MYOCD: variants seen among roughly 807,000 people sequenced by gnomAD.
MYOCD encodes myocardin.
MYOCD carries 32 observed loss-of-function variants against 96.1 expected under a neutral mutation model. The observed-to-expected ratio is 0.33, with a 90% confidence interval of 0.25 to 0.45. MYOCD has a LOEUF of 0.45. MYOCD is among the 20% of genes least tolerant of loss of function. The pLI is 1.00. For missense variants in MYOCD, 1,133 were observed against 1,200.6 expected (o/e 0.94, Z 0.83); for synonymous variants, 469 against 469.0 (o/e 1.00, Z 0.00).
chr17:12,715,454 ACT>A, intron 2 of MYOCD, 63 bp from the exon 3 acceptor site: 2 of 1,415,470 alleles, frequency 1.4e-6, no homozygotes, highest in Non-Finnish European at 9.9e-7. Context: ...ACACCAGCAA[ACT>A]CTGCGATACA....
chr17:12,698,773 G>T (rs371292306), intron 1 of MYOCD, among the ~76,000 whole-genome samples: 1 of 113,638 alleles, frequency 8.8e-6, no homozygotes, highest in Non-Finnish European at 1.7e-5. Flanking sequence ...GACAGAGTCT[G>T]GCTCTGTTGC....
rs542202848 is a variant in MYOCD at position 12,669,170 on chromosome 17, T to C, written c.55+2927T>C. Reference sequence around the variant, plus strand: ...TGTTGTTTATTCAATATCTAATCAGTGTCACTATCAACAGTTCTCCTCCAT... The same window carrying C: ...TGTTGTTTATTCAATATCTAATCAGCGTCACTATCAACAGTTCTCCTCCAT... On this transcript the variant is annotated intron_variant, in intron 1 of 13. Coordinates refer to ENST00000425538, the MANE Select transcript of MYOCD (RefSeq NM_001146312.3). Among the ~76,000 whole-genome samples, 33 of 152,302 alleles carry C rather than the reference T, an allele frequency of 2.2e-4. No homozygotes were observed. The South Asian group carries it at 6.6e-3, about 31-fold the overall frequency.
At chr17:12,695,666 G>A (rs1721133160) in intron 1 of MYOCD, among the ~76,000 whole-genome samples, 1 of 152,104 alleles carries the variant, frequency 6.6e-6, no homozygotes, top group South Asian at 2.1e-4. Context: ...GTGTTAATAG[G>A]AAAGATACTA....
At chr17:12,670,437 G>A (rs1909637386) in intron 1 of MYOCD, among the ~76,000 whole-genome samples, 1 of 152,088 alleles carries the variant, frequency 6.6e-6, no homozygotes, top group Admixed American at 6.5e-5. Context: ...CAACATCTCT[G>A]GCACTGAATT....
chr17:12,683,383 C>G (rs962272071), intron 1 of MYOCD, among the ~76,000 whole-genome samples: 1 of 152,168 alleles, frequency 6.6e-6, no homozygotes, highest in African/African-American at 2.4e-5. Context: ...CCCCTCCTTT[C>G]TTTCATTTGT....
At chr17:12,726,234 T>G (rs1043856250) in intron 5 of MYOCD, among the ~76,000 whole-genome samples, 3 of 152,162 alleles carry the variant, frequency 2.0e-5, no homozygotes, top group Admixed American at 2.0e-4. Context: ...CACTTTTTCT[T>G]AAGGGAGCAG....
At chr17:12,724,383 T>C (rs1052494247) in intron 5 of MYOCD, among the ~76,000 whole-genome samples, 1 of 152,210 alleles carries the variant, frequency 6.6e-6, no homozygotes, top group Admixed American at 6.6e-5. Flanking sequence ...CATGACTTTT[T>C]CTCTGAAAAA....
At chr17:12,693,719 T>C (rs1397210908) in intron 1 of MYOCD, among the ~76,000 whole-genome samples, 1 of 150,312 alleles carries the variant, frequency 6.7e-6, no homozygotes. Flanking sequence ...ATATATATCA[T>C]TAGTCTAGAA....
At position 12,763,474 on chromosome 17, in the gene MYOCD, A is replaced by G; in HGVS notation, c.2791A>G (p.Thr931Ala). The G allele has an allele frequency of 1.2e-6, 2 of 1,614,170 alleles. No homozygotes were observed. The highest frequency in any genetic ancestry group is 1.7e-6 in the Non-Finnish European group (2 of 1,180,036). Residue 931 changes from threonine (T) to alanine (A), a missense_variant, in exon 14 of 14, where the codon ACT (threonine) becomes GCT (alanine). Physicochemically the swap from Thr to Ala is moderately conservative, Grantham distance 58. Transcript: ENST00000425538. The stretch of plus-strand genomic sequence containing the variant: ...CAGCAATGGGCTGCAGTTAAGCTTC[A>G]CTGAATCTCCCTGGGAAACCATGGA... ...VDSNGLQLSF[T>A]ESPWETMEWL...
At chr17:12,736,662 C>G (rs1402693950) in intron 6 of MYOCD, among the ~76,000 whole-genome samples, 1 of 152,198 alleles carries the variant, frequency 6.6e-6, no homozygotes, top group Admixed American at 6.5e-5. Context: ...TTGGATGACT[C>G]GCCAACAATC....
chr17:12,710,427 T>A (rs1448808738), intron 2 of MYOCD: 1 of 770,912 alleles, frequency 1.3e-6, no homozygotes, highest in African/African-American at 1.9e-5. Flanking sequence ...CATGATCTGA[T>A]CAATGTAAAT....
intron 1 of MYOCD, among the ~76,000 whole-genome samples, chr17:12,704,551 A>G (rs1249721531): frequency 1.3e-5 from 2 of 152,240 alleles, no homozygotes; most frequent in East Asian, 3.8e-4. Context: ...AGAATTCCAG[A>G]TTCTCATAAT....
At chr17:12,735,693 A>T (rs1031152051) in intron 5 of MYOCD, among the ~76,000 whole-genome samples, 2 of 152,208 alleles carry the variant, frequency 1.3e-5, no homozygotes, top group Non-Finnish European at 2.9e-5. Flanking sequence ...TTTGCTAAAC[A>T]TTGCGTGCTG....
chr17:12,707,590 T>C lies in MYOCD; in HGVS notation c.121+2397T>C, dbSNP rs947411509. 1.5e-4 allele frequency among the ~76,000 whole-genome samples: 23 copies of C among 152,140 alleles called. 1 individual carries two copies. Among genetic ancestry groups the C allele is most frequent in the Non-Finnish European group, 1.8e-4 (12 of 68,030 alleles). ...TTAGCCAGGTGTGGTGGCAGGCACC[T>C]GTAGTCCCAGCTACTCGGGAGGCTG... On this transcript the variant is annotated intron_variant, in intron 2 of 13. Transcript: ENST00000425538.
chr17:12,750,388 C>A (rs1205703267), intron 9 of MYOCD, among the ~76,000 whole-genome samples: 1 of 152,102 alleles, frequency 6.6e-6, no homozygotes, highest in Non-Finnish European at 1.5e-5. Flanking sequence ...AAGAGCTTTA[C>A]AAACACGTTG....
At chr17:12,685,332 C>T (rs1289795066) in intron 1 of MYOCD, among the ~76,000 whole-genome samples, 3 of 149,510 alleles carry the variant, frequency 2.0e-5, no homozygotes, top group African/African-American at 7.4e-5. Context: ...GGGCTGGGCA[C>T]AGTGGCTCAC....
intron 1 of MYOCD, among the ~76,000 whole-genome samples, chr17:12,673,566 A>G (rs1909835991): frequency 6.6e-6 from 1 of 152,220 alleles, no homozygotes; most frequent in Admixed American, 6.5e-5. Context: ...TTGGAAAATT[A>G]AGCCAGTTAT....
At chr17:12,762,444 T>C (rs142373795) in intron 13 of MYOCD, 5 of 152,594 alleles carry the variant, frequency 3.3e-5, no homozygotes, top group African/African-American at 1.2e-4. Context: ...TATTTGGAGA[T>C]GACACAATCC....
At chr17:12,741,217 A>G (rs1358578004) in intron 7 of MYOCD, among the ~76,000 whole-genome samples, 1 of 152,324 alleles carries the variant, frequency 6.6e-6, no homozygotes, top group South Asian at 2.1e-4. Context: ...GTTTGCCAAT[A>G]AGGCTCCCCC....
Sources: gnomAD v4.1 joint callset for allele counts (sites outside exome capture counted in the v4.1 genomes callset) on GRCh38, gnomAD v4.1.1 for gene constraint, MANE v1.5 for transcripts, NCBI Gene and HGNC (gene_info 2026-07-23, HGNC 2026-07-21) for gene names.